Variants in ARL14EPL observed in about 807,000 individuals in gnomAD.
The protein encoded by ARL14EPL is ARF like GTPase 14 effector protein like.
ARL14EPL carries 17 observed loss-of-function variants against 15.9 expected under a neutral mutation model. The observed-to-expected ratio is 1.07, with a 90% CI of 0.73 to 1.60. The LOEUF (loss-of-function observed/expected upper bound fraction) is 1.60. Among genes scored for constraint, ARL14EPL ranks in the 40% most tolerant of loss-of-function variants. ARL14EPL has a pLI of 0.00. For missense variants in ARL14EPL, 214 were observed against 185.9 expected (o/e 1.15, Z -0.88); for synonymous variants, 78 against 63.8 (o/e 1.22, Z -1.06).
At chr5:116,041,471 A>G (rs75351721) in intron 1 of ARL14EPL, among the ~76,000 whole-genome samples, 2,875 of 152,250 alleles carry the variant, frequency 0.019, 92 homozygotes, top group African/African-American at 0.066. Context: ...ATTTTCCAAA[A>G]TGGAGCTGCT....
chr5:116,043,499 A>G (rs988234151), intron 1 of ARL14EPL, among the ~76,000 whole-genome samples: 8 of 152,156 alleles, frequency 5.3e-5, no homozygotes, highest in African/African-American at 1.2e-4. Context: ...TACCTTTGAA[A>G]AATACTCTTC....
chr5:116,044,728 G>A (rs1749231776), intron 1 of ARL14EPL, among the ~76,000 whole-genome samples: 1 of 152,020 alleles, frequency 6.6e-6, no homozygotes, highest in Non-Finnish European at 1.5e-5. Context: ...GAGTCATGGT[G>A]GAAGAGTGAG....
chr5:116,051,148 G>T, intron 1 of ARL14EPL: 1 of 226,386 alleles, frequency 4.4e-6, no homozygotes. Flanking sequence ...TGTAAAGAAG[G>T]AAGAATGGAG....
At chr5:116,057,846 A>T (rs1294759007) in intron 3 of ARL14EPL, among the ~76,000 whole-genome samples, 1 of 152,182 alleles carries the variant, frequency 6.6e-6, no homozygotes, top group African/African-American at 2.4e-5. Flanking sequence ...TTGCCATACT[A>T]GCTTAGGACA....
At chr5:116,043,105 G>C (rs1749195061) in intron 1 of ARL14EPL, among the ~76,000 whole-genome samples, 1 of 152,020 alleles carries the variant, frequency 6.6e-6, no homozygotes, top group Non-Finnish European at 1.5e-5. Context: ...CTTATGAATT[G>C]TGTCACTTCT....
At chr5:116,045,486 T>C (rs565887828) in intron 1 of ARL14EPL, among the ~76,000 whole-genome samples, 3 of 152,300 alleles carry the variant, frequency 2.0e-5, no homozygotes, top group African/African-American at 7.2e-5. Flanking sequence ...AATTTGAATG[T>C]ATAATCCAAC....
chr5:116,046,056 C>T (rs1749261899), intron 1 of ARL14EPL, among the ~76,000 whole-genome samples: 1 of 152,082 alleles, frequency 6.6e-6, no homozygotes, highest in Non-Finnish European at 1.5e-5. Flanking sequence ...CAGATATGCC[C>T]CTGGTGGGAT....
intron 2 of ARL14EPL, chr5:116,051,985 T>C: frequency 1.2e-6 from 2 of 1,612,022 alleles, no homozygotes. Context: ...CTCTGTGCTT[T>C]GAAACCAGTT....
In ARL14EPL at chr5:116,051,254, G is replaced by A. The variant is rs866034744; in HGVS notation, c.-9-203G>A. On this transcript the variant is annotated intron_variant, in intron 1 of 3. Coordinates refer to ENST00000686077, the MANE Select transcript of ARL14EPL (RefSeq NM_001195581.2). ...TATTGATTTTCTCCTGGAACCCCCG[G>A]CAGAGGAGAGCCTCAGTAGGGTGGT... The A allele has an allele frequency of 2.3e-5, 11 of 469,200 alleles. No homozygotes were observed. In the Middle Eastern group the frequency reaches 4.3e-3, roughly 184 times the overall value. The allele number at this position is 469,200 out of a possible 1,614,324, so 29.1% of individuals were successfully genotyped here.
chr5:116,035,840 G>C (rs1561575546), intron 1 of ARL14EPL, among the ~76,000 whole-genome samples: 3 of 152,184 alleles, frequency 2.0e-5, no homozygotes, highest in Admixed American at 6.5e-5. Context: ...ATACTAAGCT[G>C]GTCTGGGAGA....
intron 2 of ARL14EPL, among the ~76,000 whole-genome samples, 167 bp downstream of exon 2, chr5:116,051,728 C>T (rs901976084): frequency 6.6e-6 from 1 of 152,228 alleles, no homozygotes; most frequent in Non-Finnish European, 1.5e-5. Context: ...CTGCTCACTG[C>T]GGGCTGCTCT....
rs945314344 is a variant in ARL14EPL at position 116,059,129 on chromosome 5, A to G, written c.*182A>G. Reference sequence around the variant, plus strand: ...TTCTGTAACCTTCTTAACTGTGTCAACAATTTTCAAGTCCCTTAACTTGCA... The same window carrying G: ...TTCTGTAACCTTCTTAACTGTGTCAGCAATTTTCAAGTCCCTTAACTTGCA... On this transcript the variant is annotated 3_prime_UTR_variant, in exon 4 of 4. Transcript: ENST00000686077. 18 of 627,656 alleles carry G rather than the reference A, an allele frequency of 2.9e-5. No individual in the cohort carries two copies. The highest frequency in any genetic ancestry group is 4.1e-5 in the Non-Finnish European group (15 of 368,198). 38.9% of individuals were successfully genotyped at this position (627,656 alleles called of 1,614,324 possible). A position where few individuals can be genotyped will look rare whatever the true frequency, so the allele number is the denominator to read the frequency against.
intron 1 of ARL14EPL, among the ~76,000 whole-genome samples, chr5:116,044,210 G>T (rs116819319): frequency 3.3e-5 from 5 of 151,944 alleles, no homozygotes; most frequent in Non-Finnish European, 5.9e-5. Flanking sequence ...TGTTCTTTGC[G>T]GTAAAAGTAA....
chr5:116,054,746 G>A lies in ARL14EPL; in HGVS notation c.236+593G>A, dbSNP rs536734713. ...CTTGGGAGGCTGAGGCAGGTGAATC[G>A]CTTGAACCCAGGAGGCGGAGGTTGC... On this transcript the variant is annotated intron_variant, in intron 3 of 3. Transcript: ENST00000686077. Among the ~76,000 whole-genome samples, 11 of 152,178 alleles carry A rather than the reference G, an allele frequency of 7.2e-5. No individual in the cohort carries two copies. The South Asian group carries it at 8.3e-4, about 11-fold the overall frequency.
intron 2 of ARL14EPL, chr5:116,052,117 T>C (rs1580416204): frequency 6.2e-7 from 1 of 1,612,802 alleles, no homozygotes; most frequent in East Asian, 2.2e-5. Flanking sequence ...CCTTACAGAG[T>C]TTGTCATAGG....
chr5:116,058,245 A>G (rs1749565054), intron 3 of ARL14EPL, among the ~76,000 whole-genome samples: 1 of 152,206 alleles, frequency 6.6e-6, no homozygotes, highest in South Asian at 2.1e-4. Context: ...GTAATAACTG[A>G]CAGTTCTAAT....
At chr5:116,041,146 T>C (rs147317724) in intron 1 of ARL14EPL, among the ~76,000 whole-genome samples, 163 of 152,214 alleles carry the variant, frequency 1.1e-3, no homozygotes, top group African/African-American at 3.7e-3. Context: ...TGCAGTAGTA[T>C]GGTACTTTTG....
At chr5:116,039,701 G>A (rs1749113337) in intron 1 of ARL14EPL, among the ~76,000 whole-genome samples, 1 of 151,794 alleles carries the variant, frequency 6.6e-6, no homozygotes, top group African/African-American at 2.4e-5. Context: ...AAACAAGAAA[G>A]CTAAAACTTA....
intron 1 of ARL14EPL, among the ~76,000 whole-genome samples, chr5:116,033,477 C>T (rs1748995109): frequency 1.3e-5 from 2 of 152,128 alleles, no homozygotes; most frequent in Admixed American, 6.6e-5. Flanking sequence ...GCATTTTCAA[C>T]TTACTATAGG....
Sources: gnomAD v4.1 joint callset for allele counts (sites outside exome capture counted in the v4.1 genomes callset) on GRCh38, gnomAD v4.1.1 for gene constraint, MANE v1.5 for transcripts, NCBI Gene and HGNC (gene_info 2026-07-23, HGNC 2026-07-21) for gene names.